Variants in SLC30A7 observed in about 807,000 individuals in gnomAD.
SLC30A7 encodes zinc transporter 7.
Under a neutral mutation model 46.0 loss-of-function variants are expected in SLC30A7, and 35 were observed. That is an observed-to-expected ratio of 0.76 (90% CI 0.58 to 1.01). The LOEUF (loss-of-function observed/expected upper bound fraction) is 1.01. Ranked by LOEUF, SLC30A7 falls within the 50% of genes least tolerant of loss-of-function variation. The probability of loss-of-function intolerance (pLI) is 0.00; values close to 1 mark genes in which losing one functional copy is unlikely to be tolerated. For missense variants in SLC30A7, 464 were observed against 451.1 expected, an observed-to-expected ratio of 1.03 and a Z score of -0.26; for synonymous variants, 147 against 157.8, an observed-to-expected ratio of 0.93 and a Z score of 0.51.
At chr1:100,951,878 T>G (rs1035054593) in intron 8 of SLC30A7, among the ~76,000 whole-genome samples, 1 of 152,184 alleles carries the variant, frequency 6.6e-6, no homozygotes, top group Admixed American at 6.5e-5. Context: ...TTTTCAGATG[T>G]AATTAAGTTA....
intron 3 of SLC30A7, among the ~76,000 whole-genome samples, chr1:100,908,657 GGTGATAT>G (rs1651859782): frequency 6.6e-6 from 1 of 151,994 alleles, no homozygotes; most frequent in Admixed American, 6.6e-5. Flanking sequence ...GCATGATATT[GGTGATAT>G]GCAAATAATT....
chr1:100,993,558 A>AT, the SLC30A7 span, among the ~76,000 whole-genome samples: 11 of 84,448 alleles, frequency 1.3e-4, no homozygotes, highest in Admixed American at 2.9e-4. Context: ...TCGAAAATAT[A>AT]AATATATATA....
chr1:100,915,183 CT>C (rs778614219), intron 6 of SLC30A7, among the ~76,000 whole-genome samples: 6 of 135,106 alleles, frequency 4.4e-5, no homozygotes, highest in African/African-American at 1.4e-4. Flanking sequence ...TTTTTCTTTT[CT>C]TTTCTTTCTT....
At chr1:100,956,525 A>G (rs1655236422) in intron 8 of SLC30A7, among the ~76,000 whole-genome samples, 1 of 152,208 alleles carries the variant, frequency 6.6e-6, no homozygotes, top group African/African-American at 2.4e-5. Context: ...GGACTGTCTA[A>G]GGGAATGTCT....
chr1:100,945,438 T>C (rs536444110), intron 8 of SLC30A7, among the ~76,000 whole-genome samples: 1 of 152,376 alleles, frequency 6.6e-6, no homozygotes, highest in South Asian at 2.1e-4. Flanking sequence ...TTTAAGTCTT[T>C]AATCCATCTT....
intron 8 of SLC30A7, among the ~76,000 whole-genome samples, chr1:100,932,354 G>A (rs1227048542): frequency 2.6e-5 from 4 of 152,162 alleles, no homozygotes; most frequent in African/African-American, 9.7e-5. Context: ...GGTGGAGGTT[G>A]CAGTGAGCCG....
intron 2 of SLC30A7, among the ~76,000 whole-genome samples, chr1:100,904,669 T>C (rs1401984425): frequency 6.6e-6 from 1 of 152,158 alleles, no homozygotes; most frequent in African/African-American, 2.4e-5. Flanking sequence ...AGACCACTAG[T>C]TGGTTGGACT....
the SLC30A7 span, chr1:100,995,432 C>T: frequency 3.7e-6 from 1 of 267,866 alleles, no homozygotes; most frequent in Non-Finnish European, 7.3e-6. Context: ...GGCATATACA[C>T]TACTAACAGC....
rs1243411412 is a variant in SLC30A7, at chr1:100,896,566, C to CA, written c.81-4_81-3insA. On this transcript the variant is annotated splice_region_variant and splice_polypyrimidine_tract_variant and intron_variant, in intron 1 of 10. Transcript: ENST00000357650. The stretch of plus-strand genomic sequence containing the variant: ...CGGCTCTTTTCCACGTGTATCATTC[C>CA]CAGGTCTATACTGTCCGACAAGACT... The CA allele has an allele frequency of 6.2e-7, 1 of 1,613,276 alleles. No individual in the cohort carries two copies. Among genetic ancestry groups the CA allele is most frequent in the African/African-American group, 1.3e-5 (1 of 74,912 alleles).
At chr1:100,938,619 A>C (rs749261408) in intron 8 of SLC30A7, among the ~76,000 whole-genome samples, 1 of 152,176 alleles carries the variant, frequency 6.6e-6, no homozygotes, top group Non-Finnish European at 1.5e-5. Context: ...CAGGACTGCA[A>C]CTGAAGTGTT....
rs1234372331 is a variant in SLC30A7 at position 100,979,567 on chromosome 1, T to A, written c.*4710T>A. ...CTGCAAATTACACAGAAAGTGAGAA[T>A]GGGGAATAACTTTTATTAAGTATTT... is the stretch of plus-strand genomic sequence containing the variant. On this transcript the variant is annotated 3_prime_UTR_variant, in exon 11 of 11. Coordinates refer to ENST00000357650, the MANE Select transcript of SLC30A7 (RefSeq NM_133496.5). The A allele has an allele frequency of 6.6e-6, 1 of 151,852 alleles. No individual in the cohort carries two copies. Among genetic ancestry groups the A allele is most frequent in the African/African-American group, 2.4e-5 (1 of 41,376 alleles). The allele number at this position is 151,852 out of a possible 1,614,324, so 9.4% of individuals were successfully genotyped here.
chr1:100,904,054 AATT>A lies in SLC30A7; in HGVS notation c.183-2792_183-2790del, dbSNP rs1234883298. On this transcript the variant is annotated intron_variant, in intron 2 of 10. Coordinates refer to ENST00000357650, the MANE Select transcript of SLC30A7 (RefSeq NM_133496.5). ...GTAAATGTTTCATATATATTAACTC[AATT>A]ATTATAACAATTATGACACTTTTAT... 5.9e-5 allele frequency among the ~76,000 whole-genome samples: 9 copies of A among 152,152 alleles called. No homozygotes were observed. In the East Asian group the frequency reaches 9.6e-4, roughly 16 times the overall value.
the SLC30A7 span, among the ~76,000 whole-genome samples, chr1:100,992,984 T>C: frequency 6.6e-6 from 1 of 152,180 alleles, no homozygotes; most frequent in South Asian, 2.1e-4. Context: ...CACATAAAGA[T>C]AGATGTCTAA....
At chr1:100,903,767 T>G (rs1570502293) in intron 2 of SLC30A7, among the ~76,000 whole-genome samples, 1 of 152,146 alleles carries the variant, frequency 6.6e-6, no homozygotes, top group Non-Finnish European at 1.5e-5. Context: ...TGACTTAGTT[T>G]CTAATTATAT....
chr1:100,911,152 T>C lies in SLC30A7; in HGVS notation c.384+2T>C, dbSNP rs1652066704. The C allele has an allele frequency of 1.3e-6, 2 of 1,576,626 alleles. No individual in the cohort carries two copies. Among genetic ancestry groups the C allele is most frequent in the Non-Finnish European group, 1.7e-6 (2 of 1,151,526 alleles). On this transcript the variant is annotated splice_donor_variant, in intron 4 of 10. Coordinates refer to ENST00000357650, the MANE Select transcript of SLC30A7 (RefSeq NM_133496.5). LOFTEE classifies it high-confidence loss of function. ...TTTATTTTCTCAGAAGGAGTTGAGG[T>C]ATAGTAGATAATTATTAAAGTCAGT...
chr1:100,953,099 GTC>G (rs1462931339), intron 8 of SLC30A7, among the ~76,000 whole-genome samples: 1 of 152,088 alleles, frequency 6.6e-6, no homozygotes, highest in Admixed American at 6.5e-5. Context: ...CTCCTTCACT[GTC>G]TCTTTCTCTC....
downstream of SLC30A7, among the ~76,000 whole-genome samples, chr1:100,986,134 G>A (rs1281173114): frequency 2.0e-5 from 3 of 152,292 alleles, no homozygotes; most frequent in Non-Finnish European, 4.4e-5. Context: ...CTGCGGCCAG[G>A]CACAGTGGCT....
downstream of SLC30A7, among the ~76,000 whole-genome samples, chr1:100,983,375 CAAAAAAA>C: frequency 1.3e-5 from 1 of 76,496 alleles, no homozygotes; most frequent in African/African-American, 4.9e-5. Flanking sequence ...TACTTTGAGG[CAAAAAAA>C]AAAAAAAACA....
intron 2 of SLC30A7, among the ~76,000 whole-genome samples, chr1:100,900,152 G>GT (rs1442177945): frequency 6.6e-6 from 1 of 152,078 alleles, no homozygotes; most frequent in Non-Finnish European, 1.5e-5. Flanking sequence ...CATCACACTG[G>GT]TTTTTTCTAG....
Sources: allele counts gnomAD v4.1 joint callset (sites outside exome capture counted in the v4.1 genomes callset), GRCh38; gene constraint gnomAD v4.1.1; transcripts MANE v1.5; gene names NCBI Gene and HGNC (gene_info 2026-07-23, HGNC 2026-07-21).